Variants in CNNM3 observed in about 807,000 individuals in gnomAD.
CNNM3 encodes metal transporter CNNM3.
CNNM3 carries 47 observed loss-of-function variants against 57.1 expected under a neutral mutation model. The ratio of observed to expected loss-of-function variants is 0.82; its 90% CI spans 0.65 to 1.05. The LOEUF (loss-of-function observed/expected upper bound fraction) is 1.05, where lower values mean the gene tolerates loss of function less well. CNNM3 is among the 50% of genes least tolerant of loss of function. CNNM3 has a pLI of 0.00. For missense variants in CNNM3, 957 were observed against 973.7 expected (o/e 0.98, Z 0.23); for synonymous variants, 507 against 478.2 (o/e 1.06, Z -0.79).
intron 7 of CNNM3, among the ~76,000 whole-genome samples, chr2:96,829,523 A>G (rs2079566595): frequency 6.7e-6 from 1 of 150,242 alleles, no homozygotes; most frequent in Non-Finnish European, 1.5e-5. Context: ...CTGGTCTTGA[A>G]CTCCTGACCT....
At chr2:96,831,320 C>T (rs999965626) in intron 7 of CNNM3, among the ~76,000 whole-genome samples, 3 of 152,110 alleles carry the variant, frequency 2.0e-5, no homozygotes, top group Non-Finnish European at 2.9e-5. Context: ...AGCGTAGGGC[C>T]GCTGCACACC....
In CNNM3 at chr2:96,816,270, A is replaced by C; in HGVS notation, c.-8A>C. 7.6e-7 allele frequency: 1 copy of C among 1,311,280 alleles called. No homozygotes were observed. Among genetic ancestry groups the C allele is most frequent in the Non-Finnish European group, 9.7e-7 (1 of 1,032,172 alleles). 81.2% of individuals were successfully genotyped at this position (1,311,280 alleles called of 1,614,324 possible). On this transcript the variant is annotated 5_prime_UTR_variant, in exon 1 of 8. Transcript: ENST00000305510. ...GCTGCGCGAGAGGCCGAGAGGGGGC[A>C]GCAGGCGATGGCGGCGGCGGTAGCT...
At chr2:96,826,695 T>C (rs2153355128) in intron 2 of CNNM3, 138 bp from the exon 3 acceptor site, 1 of 974,406 alleles carries the variant, frequency 1.0e-6, no homozygotes, top group Non-Finnish European at 1.6e-6. Context: ...GCTGAGGACA[T>C]GTCCCTGGCG....
At position 96,817,247 on chromosome 2, in the gene CNNM3, T is replaced by A. The variant is rs1421137183; in HGVS notation, c.970T>A (p.Cys324Ser). The stretch of plus-strand genomic sequence containing the variant: ...GGACGTGCTCACGCCCCTCGAAGAC[T>A]GCTTCATGCTGGACGCCAGCACCGT... ...VEDVLTPLED[C>S]FMLDASTVLD... is the part of the protein sequence containing the mutation. Residue 324 changes from cysteine to serine, a missense_variant, in exon 1 of 8, where the codon TGC (cysteine) becomes AGC (serine). Physicochemically the swap from Cys to Ser is moderately radical, Grantham distance 112. This residue lies in a region of CNNM3 where 491 missense variants were observed against 570.6 expected (regional missense o/e 0.86). Transcript: ENST00000305510. 6.2e-7 allele frequency: 1 copy of A among 1,609,062 alleles called. No individual in the cohort carries two copies. Among genetic ancestry groups the A allele is most frequent in the Non-Finnish European group, 8.5e-7 (1 of 1,178,826 alleles).
downstream of CNNM3, among the ~76,000 whole-genome samples, chr2:96,836,242 T>TC: frequency 7.9e-6 from 1 of 127,218 alleles, no homozygotes; most frequent in Non-Finnish European, 1.7e-5. Context: ...CCAGCTAATT[T>TC]TTTTTTTTTT....
chr2:96,824,460 T>G (rs2079461486), intron 1 of CNNM3: 1 of 146,992 alleles, frequency 6.8e-6, no homozygotes, highest in Non-Finnish European at 1.4e-5. Context: ...AGTCTATCTG[T>G]CTGTCTGTCT....
intron 7 of CNNM3, among the ~76,000 whole-genome samples, chr2:96,830,849 C>T (rs1331285995): frequency 6.6e-6 from 1 of 152,262 alleles, no homozygotes; most frequent in Admixed American, 6.5e-5. Context: ...CTGTGCTTAC[C>T]CACTGTGATG....
chr2:96,830,475 C>A (rs1276228977), intron 7 of CNNM3, among the ~76,000 whole-genome samples: 2 of 152,208 alleles, frequency 1.3e-5, no homozygotes, highest in Non-Finnish European at 2.9e-5. Flanking sequence ...GACCCACACT[C>A]GAGAGCACAA....
chr2:96,817,550 C>T (rs751925893), intron 1 of CNNM3, 48 bp downstream of exon 1: 76 of 1,543,892 alleles, frequency 4.9e-5, no homozygotes, highest in Non-Finnish European at 6.6e-5. Context: ...AGTGCCCTCT[C>T]CCTGAAAAGG....
chr2:96,831,671 CT>C (rs11335499), intron 7 of CNNM3, among the ~76,000 whole-genome samples: 3,239 of 152,358 alleles, frequency 0.021, 102 homozygotes, highest in African/African-American at 0.072. Flanking sequence ...TGTCTGACCC[CT>C]GGCCTACTAT....
intron 7 of CNNM3, 150 bp downstream of exon 7, chr2:96,829,284 T>C: frequency 3.9e-6 from 4 of 1,032,346 alleles, no homozygotes; most frequent in Non-Finnish European, 3.6e-6. Flanking sequence ...TATATATATC[T>C]ATATATAAAT....
intron 1 of CNNM3, among the ~76,000 whole-genome samples, chr2:96,818,039 G>A (rs1191546514): frequency 1.3e-5 from 2 of 152,094 alleles, no homozygotes. Context: ...CCTTATCTGC[G>A]GTAAAGTCAG....
chr2:96,832,507 C>G (rs754248219), intron 7 of CNNM3, 45 bp from the exon 8 acceptor site: 31 of 1,612,970 alleles, frequency 1.9e-5, no homozygotes, highest in Non-Finnish European at 2.6e-5. Flanking sequence ...TGACAGGATA[C>G]TTTACCAGCT....
At chr2:96,823,483 C>A (rs1213818938) in intron 1 of CNNM3, among the ~76,000 whole-genome samples, 1 of 152,204 alleles carries the variant, frequency 6.6e-6, no homozygotes, top group Non-Finnish European at 1.5e-5. Flanking sequence ...CCAGCACAAG[C>A]ACTGAGGGTT....
intron 1 of CNNM3, among the ~76,000 whole-genome samples, chr2:96,821,566 G>A (rs1461586085): frequency 6.6e-6 from 1 of 152,216 alleles, no homozygotes; most frequent in Non-Finnish European, 1.5e-5. Flanking sequence ...TTGTGCAGAC[G>A]TCACCAGGAA....
intron 1 of CNNM3, among the ~76,000 whole-genome samples, chr2:96,822,010 T>A (rs866353777): frequency 5.9e-4 from 88 of 149,772 alleles, no homozygotes; most frequent in African/African-American, 2.0e-3. Flanking sequence ...TTATTATTTT[T>A]TTTTTTTTTT....
intron 1 of CNNM3, among the ~76,000 whole-genome samples, chr2:96,824,060 C>CT (rs984116614): frequency 6.6e-6 from 1 of 152,120 alleles, no homozygotes; most frequent in Admixed American, 6.5e-5. Flanking sequence ...TTTCTTTTGA[C>CT]TTTTTTAATG....
At chr2:96,821,662 T>C (rs2079408595) in intron 1 of CNNM3, among the ~76,000 whole-genome samples, 1 of 152,214 alleles carries the variant, frequency 6.6e-6, no homozygotes, top group South Asian at 2.1e-4. Flanking sequence ...AAACCCATTG[T>C]AAGTTGAAAA....
In CNNM3 at chr2:96,816,401, G is replaced by A; in HGVS notation, c.124G>A (p.Gly42Arg). 7.3e-7 allele frequency: 1 copy of A among 1,372,002 alleles called. No individual in the cohort carries two copies. The highest frequency in any genetic ancestry group is 1.7e-5 in the South Asian group (1 of 57,694). The allele number at this position is 1,372,002 out of a possible 1,614,324, so 85.0% of individuals were successfully genotyped here. Residue 42 changes from glycine to arginine, a missense_variant, in exon 1 of 8, where the codon GGA becomes AGA. By Grantham distance (125) the Gly-to-Arg change is moderately radical. Coordinates refer to ENST00000305510, the MANE Select transcript of CNNM3 (RefSeq NM_017623.5). ...GCTGGGCTTCTGCCTGGAGGAGGAT[G>A]GAGCGGCGGGCGCGGGTTGGGTACG... ...RVLGFCLEEDGAAGAGWVRGG... is the reference protein window; with the variant it reads ...RVLGFCLEEDRAAGAGWVRGG...
Sources: allele counts gnomAD v4.1 joint callset (sites outside exome capture counted in the v4.1 genomes callset), GRCh38; gene constraint gnomAD v4.1.1; regional missense constraint gnomAD v4.1.1; transcripts MANE v1.5; gene names NCBI Gene and HGNC (gene_info 2026-07-23, HGNC 2026-07-21).